PCBP3: variants seen among roughly 807,000 people sequenced by gnomAD.
PCBP3 encodes the protein poly(rC)-binding protein 3.
A neutral mutation model predicts 52.7 loss-of-function variants in PCBP3; 25 were observed. That is an observed-to-expected ratio of 0.47 (90% CI 0.35 to 0.66). The LOEUF is 0.66. PCBP3 is among the 30% of genes least tolerant of loss of function. The probability of loss-of-function intolerance (pLI) is 0.01; values close to 1 mark genes in which losing one functional copy is unlikely to be tolerated. For missense variants in PCBP3, 391 were observed against 490.3 expected (o/e 0.80, Z 1.91); for synonymous variants, 162 against 183.0 (o/e 0.89, Z 0.93).
In PCBP3 at chr21:45,746,057, C is replaced by T. The variant is rs1428014290; in HGVS notation, c.-161-9360C>T. Among the ~76,000 whole-genome samples the T allele has an allele frequency of 5.1e-4, 63 of 122,922 alleles. 5 individuals carry two copies. In the Admixed American group the frequency reaches 5.7e-3, roughly 11 times the overall value. The allele number at this position is 122,922 out of a possible 152,430, so 80.6% of individuals were successfully genotyped here. ...ACACACGGTGTTGTGTCAGCATCGC[C>T]GTGTCAGTCCACTGACGTAGCGCAC... On this transcript the variant is annotated intron_variant, in intron 3 of 17. Transcript: ENST00000681687.
chr21:45,709,343 A>G (rs992494126), intron 2 of PCBP3, among the ~76,000 whole-genome samples: 4 of 152,214 alleles, frequency 2.6e-5, no homozygotes, highest in Admixed American at 6.5e-5. Context: ...AACACTCTAT[A>G]TCTTAGATAC....
chr21:45,920,103 G>A (rs950675246), intron 13 of PCBP3, among the ~76,000 whole-genome samples: 9 of 152,146 alleles, frequency 5.9e-5, no homozygotes, highest in Admixed American at 2.0e-4. Context: ...GGCAGTGTGC[G>A]GTGCCCTTGG....
intron 4 of PCBP3, among the ~76,000 whole-genome samples, chr21:45,781,722 T>C (rs191322116): frequency 1.6e-4 from 25 of 152,332 alleles, no homozygotes; most frequent in African/African-American, 5.3e-4. Context: ...TATCCATACT[T>C]GAATGGCTAT....
chr21:45,786,081 G>A (rs2091129977), intron 4 of PCBP3, among the ~76,000 whole-genome samples: 1 of 149,166 alleles, frequency 6.7e-6, no homozygotes, highest in African/African-American at 2.5e-5. Flanking sequence ...CTATTGTCCT[G>A]TGACCCTGCC....
At chr21:45,710,463 T>C (rs1603300874) in intron 2 of PCBP3, among the ~76,000 whole-genome samples, 2 of 152,212 alleles carry the variant, frequency 1.3e-5, no homozygotes, top group African/African-American at 4.8e-5. Context: ...GCTTCATCCA[T>C]GTCCCTAGAA....
chr21:45,661,260 G>C (rs2147071458), intron 1 of PCBP3, among the ~76,000 whole-genome samples: 1 of 152,220 alleles, frequency 6.6e-6, no homozygotes, highest in South Asian at 2.1e-4. Flanking sequence ...CACCTGAATA[G>C]TGTACATTTT....
At chr21:45,857,342 G>A (rs1158031040) in intron 5 of PCBP3, among the ~76,000 whole-genome samples, 1 of 152,130 alleles carries the variant, frequency 6.6e-6, no homozygotes, top group Non-Finnish European at 1.5e-5. Context: ...TTTATGGTTT[G>A]TAGAGCATGA....
chr21:45,684,909 G>A (rs1226890796), intron 2 of PCBP3, among the ~76,000 whole-genome samples: 1 of 152,150 alleles, frequency 6.6e-6, no homozygotes, highest in Admixed American at 6.5e-5. Flanking sequence ...TTTACATGAG[G>A]TTTGATAAAT....
At chr21:45,914,389 A>T (rs2096465165) in intron 12 of PCBP3, 3 of 464,442 alleles carry the variant, frequency 6.5e-6, no homozygotes, top group Non-Finnish European at 1.1e-5. Flanking sequence ...CATGGTGAGA[A>T]CCAGGGTCTT....
intron 16 of PCBP3, among the ~76,000 whole-genome samples, chr21:45,936,365 A>T (rs1252898861): frequency 6.6e-6 from 1 of 152,208 alleles, no homozygotes; most frequent in Non-Finnish European, 1.5e-5. Flanking sequence ...GCCTTCTTCT[A>T]TCCCGGTTGC....
intron 5 of PCBP3, among the ~76,000 whole-genome samples, chr21:45,892,374 C>T (rs747083986): frequency 3.9e-5 from 6 of 151,906 alleles, no homozygotes; most frequent in Admixed American, 3.3e-4. Flanking sequence ...CTCCAGTCAT[C>T]GTGCAGAACA....
Position 45,830,225 on chromosome 21 carries a change from A to C in PCBP3, c.-125-19736A>C, listed in dbSNP as rs1603446339. On this transcript the variant is annotated intron_variant, in intron 4 of 17. Coordinates refer to ENST00000681687, the MANE Select transcript of PCBP3 (RefSeq NM_001384156.1). The surrounding 1 kb of genome is among the most constrained non-coding windows in gnomAD (Gnocchi z 4.4). ...ATAGCCTCGTCCTAACATACGTGCA[A>C]ATGTGCACTGTGGAGACCACTCCTG... is the stretch of plus-strand genomic sequence containing the variant. The C allele has an allele frequency of 1.3e-5, 2 of 152,892 alleles. No individual in the cohort carries two copies. Among genetic ancestry groups the C allele is most frequent in the African/African-American group, 2.4e-5 (1 of 41,456 alleles). The allele number at this position is 152,892 out of a possible 1,614,324, so 9.5% of individuals were successfully genotyped here.
At chr21:45,787,551 C>T (rs1006623847) in intron 4 of PCBP3, among the ~76,000 whole-genome samples, 2 of 152,212 alleles carry the variant, frequency 1.3e-5, no homozygotes, top group Non-Finnish European at 2.9e-5. Context: ...GCCGCTGTGC[C>T]TGGCCTCATC....
rs191296949 is a variant in PCBP3, at chr21:45,881,599, T to A, written c.11-14609T>A. Among the ~76,000 whole-genome samples the A allele has an allele frequency of 2.4e-3, 373 of 152,262 alleles. 1 individual carries two copies. Among genetic ancestry groups the A allele is most frequent in the Middle Eastern group, 0.01 (3 of 294 alleles). On this transcript the variant is annotated intron_variant, in intron 5 of 17. Coordinates refer to ENST00000681687, the MANE Select transcript of PCBP3 (RefSeq NM_001384156.1). ...CTCTATAAAGAATTTAAAATCACTCTCAGCAATTTTCAAGTATACATTGTT... is the reference window on the plus strand; with the variant it reads ...CTCTATAAAGAATTTAAAATCACTCACAGCAATTTTCAAGTATACATTGTT...
intron 4 of PCBP3, among the ~76,000 whole-genome samples, chr21:45,835,345 G>T (rs1051258742): frequency 6.6e-6 from 1 of 152,184 alleles, no homozygotes; most frequent in African/African-American, 2.4e-5. Flanking sequence ...CTGCTCTGTG[G>T]CCTGTTGGCA....
chr21:45,913,125 G>A (rs2096433329), intron 11 of PCBP3, among the ~76,000 whole-genome samples: 1 of 152,190 alleles, frequency 6.6e-6, no homozygotes. Flanking sequence ...CCTTGACCTG[G>A]GCCCTGGGGA....
intron 5 of PCBP3, among the ~76,000 whole-genome samples, chr21:45,884,470 C>T (rs1040835290): frequency 3.3e-5 from 5 of 152,024 alleles, no homozygotes; most frequent in African/African-American, 1.2e-4. Flanking sequence ...ATATATGTAG[C>T]ACATGTATAT....
chr21:45,879,155 T>A (rs1321359494), intron 5 of PCBP3, among the ~76,000 whole-genome samples: 1 of 152,062 alleles, frequency 6.6e-6, no homozygotes, highest in African/African-American at 2.4e-5. Flanking sequence ...GGCTAATTTT[T>A]AAAATTTTTC....
chr21:45,898,877 C>T (rs1423399297), intron 6 of PCBP3, among the ~76,000 whole-genome samples: 1 of 150,018 alleles, frequency 6.7e-6, no homozygotes, highest in Non-Finnish European at 1.5e-5. Context: ...CTCTGCACGC[C>T]GTCCTCACAG....
Sources: allele counts gnomAD v4.1 joint callset (sites outside exome capture counted in the v4.1 genomes callset), GRCh38; gene constraint gnomAD v4.1.1; non-coding constraint Gnocchi (gnomAD v3.1); transcripts MANE v1.5; gene names NCBI Gene and HGNC (gene_info 2026-07-23, HGNC 2026-07-21).